Variants in PCLO observed in about 807,000 individuals in gnomAD.
The protein encoded by PCLO is protein piccolo.
Under a neutral mutation model 427.5 loss-of-function variants are expected in PCLO, and 82 were observed. The observed-to-expected ratio is 0.19, with a 90% confidence interval of 0.16 to 0.23. The LOEUF (loss-of-function observed/expected upper bound fraction) is 0.23, where lower values mean the gene tolerates loss of function less well. Among genes scored for constraint, PCLO ranks in the 10% least tolerant of loss-of-function variants. The pLI is 1.00. For synonymous variants in PCLO, 2,357 were observed against 2,155.4 expected (o/e 1.09, Z -2.59); for missense variants, 6,239 against 6,115.9 (o/e 1.02, Z -0.67).
chr7:82,986,085 C>T (rs1464655757), intron 3 of PCLO, among the ~76,000 whole-genome samples: 2 of 151,654 alleles, frequency 1.3e-5, no homozygotes, highest in African/African-American at 4.8e-5. Flanking sequence ...TTAAATTTTT[C>T]TTATAGTTAC....
chr7:83,029,325 G>C (rs923246212), intron 3 of PCLO, among the ~76,000 whole-genome samples: 5 of 150,602 alleles, frequency 3.3e-5, no homozygotes, highest in African/African-American at 1.2e-4. Context: ...CTTCTCAAAA[G>C]AAGACATTTA....
chr7:82,962,528 G>T (rs1352096903), intron 4 of PCLO, among the ~76,000 whole-genome samples: 10 of 151,914 alleles, frequency 6.6e-5, no homozygotes, highest in Admixed American at 6.6e-4. Context: ...CAACTATGGA[G>T]ATTTCTTTAC....
chr7:82,794,599 A>G (rs1447734104), intron 22 of PCLO, among the ~76,000 whole-genome samples: 2 of 149,516 alleles, frequency 1.3e-5, no homozygotes, highest in African/African-American at 4.9e-5. Flanking sequence ...TAGCCTCCCT[A>G]GCAGCTGGAA....
At chr7:82,942,535 GA>G (rs1423404259) in intron 6 of PCLO, among the ~76,000 whole-genome samples, 1 of 151,928 alleles carries the variant, frequency 6.6e-6, no homozygotes, top group African/African-American at 2.4e-5. Flanking sequence ...TAGTGAATAG[GA>G]ATGTTAACTA....
intron 3 of PCLO, among the ~76,000 whole-genome samples, chr7:82,971,741 CAT>C (rs113326490): frequency 0.03 from 4,331 of 142,028 alleles, 200 homozygotes; most frequent in African/African-American, 0.1. Context: ...TTGTACCAAC[CAT>C]ATATATATAT....
chr7:82,886,576 T>C (rs957955104), intron 9 of PCLO, among the ~76,000 whole-genome samples: 3 of 152,186 alleles, frequency 2.0e-5, no homozygotes, highest in Non-Finnish European at 4.4e-5. Context: ...GATGCTAGAT[T>C]ATTTTTACAC....
In PCLO at chr7:83,135,041, T is replaced by C; in HGVS notation, c.2509A>G (p.Ser837Gly). 1 of 1,613,972 alleles carries C rather than the reference T, an allele frequency of 6.2e-7. No individual in the cohort carries two copies. The highest frequency in any genetic ancestry group is 8.5e-7 in the Non-Finnish European group (1 of 1,179,868). ...TGTTTTTGACCTTTGCTCTCTGAAC[T>C]GGGACCAGGATGTGAAATAATTTTT... ...DSKIISHPGPSSESKGQKQVD... is the reference protein window; with the variant it reads ...DSKIISHPGPGSESKGQKQVD... The change falls in exon 3 of 25, where the codon AGT becomes GGT. Residue 837 changes from serine (S) to glycine (G), a missense_variant. By Grantham distance (56) the Ser-to-Gly change is moderately conservative (BLOSUM62 0). This residue lies in a region of PCLO where 4,677 missense variants were observed against 4,468.4 expected (regional missense o/e 1.05). Transcript: ENST00000333891.
At chr7:82,901,442 G>T (rs369581623) in intron 9 of PCLO, among the ~76,000 whole-genome samples, 3 of 151,816 alleles carry the variant, frequency 2.0e-5, no homozygotes, top group Admixed American at 6.6e-5. Context: ...GATTAAAGAC[G>T]TACATGTTAG....
chr7:82,918,983 G>A (rs1794533310), intron 6 of PCLO, among the ~76,000 whole-genome samples: 1 of 151,972 alleles, frequency 6.6e-6, no homozygotes, highest in Admixed American at 6.6e-5. Flanking sequence ...GCCCAGCTTA[G>A]AAGCTATATT....
chr7:83,001,491 C>G (rs762896676), intron 3 of PCLO, among the ~76,000 whole-genome samples: 2 of 137,356 alleles, frequency 1.5e-5, no homozygotes, highest in Non-Finnish European at 3.0e-5. Context: ...TTTGTTCACT[C>G]TAACACACAT....
At chr7:82,939,664 G>T (rs577792291) in intron 6 of PCLO, among the ~76,000 whole-genome samples, 5,271 of 142,046 alleles carry the variant, frequency 0.037, 180 homozygotes, top group African/African-American at 0.095. Context: ...TATATATAGA[G>T]AGAGAGAGAA....
chr7:82,998,391 AAACAACAAC>A (rs79603092), intron 3 of PCLO, among the ~76,000 whole-genome samples: 1,785 of 149,274 alleles, frequency 0.012, 16 homozygotes, highest in Non-Finnish European at 0.019. Context: ...TGTCCTTTAA[AAACAACAAC>A]AACAACAACA....
At chr7:82,816,069 G>T (rs1562798742) in intron 20 of PCLO, among the ~76,000 whole-genome samples, 1 of 151,954 alleles carries the variant, frequency 6.6e-6, no homozygotes, top group Non-Finnish European at 1.5e-5. Flanking sequence ...AATAAAAATG[G>T]AAAAGAATAT....
intron 3 of PCLO, among the ~76,000 whole-genome samples, chr7:83,008,671 A>T (rs541139983): frequency 1.5e-4 from 23 of 151,864 alleles, no homozygotes; most frequent in African/African-American, 5.5e-4. Flanking sequence ...AATGCTTTGC[A>T]GGGTTAGGTA....
At position 82,954,409 on chromosome 7, in the gene PCLO, G is replaced by T. The variant is rs763720952; in HGVS notation, c.6544C>A (p.Pro2182Thr). 37 of 1,613,796 alleles carry T rather than the reference G, an allele frequency of 2.3e-5. No homozygotes were observed. The highest frequency in any genetic ancestry group is 3.0e-5 in the Non-Finnish European group (35 of 1,179,856). The stretch of plus-strand genomic sequence containing the variant: ...GAAGAAACAGATGATGTGAGAGAAG[G>T]TGTGTCAGAGGGTGGGACAGATGTA... The part of the protein sequence containing the change: ...SATSVPPSDT[P>T]SLTSSVSSVC... The change falls in exon 5 of 25, where the codon CCT (proline) becomes ACT (threonine). Residue 2182 changes from proline (P) to threonine (T), a missense_variant. By Grantham distance (38) the Pro-to-Thr change is conservative (BLOSUM62 -1). Transcript: ENST00000333891.
intron 9 of PCLO, among the ~76,000 whole-genome samples, chr7:82,893,568 A>G (rs138679692): frequency 2.4e-4 from 37 of 152,142 alleles, no homozygotes; most frequent in South Asian, 4.2e-4. Context: ...AACTTAAAGT[A>G]TAATAAATAA....
intron 3 of PCLO, among the ~76,000 whole-genome samples, chr7:83,036,894 T>C (rs1788809629): frequency 1.3e-5 from 2 of 152,092 alleles, no homozygotes; most frequent in African/African-American, 4.8e-5. Context: ...TCATGGACAT[T>C]GTGTCCTTTT....
intron 3 of PCLO, among the ~76,000 whole-genome samples, chr7:83,070,463 G>C (rs373286974): frequency 0.013 from 1,875 of 149,564 alleles, 46 homozygotes; most frequent in African/African-American, 0.042. Flanking sequence ...TCTCAGCTCA[G>C]TGCAAGCTCT....
chr7:82,955,916 T>C lies in PCLO; in HGVS notation c.5037A>G (p.Lys1679=), dbSNP rs761154849. The change falls in exon 5 of 25, where the codon AAA becomes AAG. Residue 1679 remains lysine (K), a synonymous_variant. Transcript: ENST00000333891. The part of the protein sequence containing the change: ...TIELNSTIAD[K]YSAESSQKKT... ...TTTTCTGTGATGACTCTGCAGAATA[T>C]TTATCTGCTATTGTACTGTTGAGCT... The C allele has an allele frequency of 6.2e-7, 1 of 1,613,898 alleles. No homozygotes were observed. Among genetic ancestry groups the C allele is most frequent in the South Asian group, 1.1e-5 (1 of 91,080 alleles).
Sources: gnomAD v4.1 joint callset for allele counts (sites outside exome capture counted in the v4.1 genomes callset) on GRCh38, gnomAD v4.1.1 for gene constraint, gnomAD v4.1.1 regional missense constraint, MANE v1.5 for transcripts, NCBI Gene and HGNC (gene_info 2026-07-23, HGNC 2026-07-21) for gene names.